CIT: variants seen among roughly 807,000 people sequenced by gnomAD.
CIT encodes the protein citron Rho-interacting kinase.
In CIT, 79 loss-of-function variants were observed where a neutral mutation model predicts 272.7. The ratio of observed to expected loss-of-function variants is 0.29; its 90% CI spans 0.24 to 0.35. CIT has a LOEUF of 0.35. Among genes scored for constraint, CIT ranks in the 10% least tolerant of loss-of-function variants. The probability of loss-of-function intolerance (pLI) is 1.00; values close to 1 mark genes in which losing one functional copy is unlikely to be tolerated. For missense variants in CIT, 1,909 were observed against 2,618.3 expected, an observed-to-expected ratio of 0.73 and a Z score of 5.91; for synonymous variants, 948 against 995.6, an observed-to-expected ratio of 0.95 and a Z score of 0.90.
At chr12:119,741,502 T>C (rs1291782869) in intron 24 of CIT, among the ~76,000 whole-genome samples, 1 of 152,242 alleles carries the variant, frequency 6.6e-6, no homozygotes, top group Non-Finnish European at 1.5e-5. Context: ...CTAGATACAT[T>C]TTATATCTAA....
chr12:119,797,404 TAAGAG>T (rs1366797243), intron 10 of CIT, among the ~76,000 whole-genome samples: 1 of 152,174 alleles, frequency 6.6e-6, no homozygotes, highest in Non-Finnish European at 1.5e-5. Context: ...TGTGCTTGGC[TAAGAG>T]AAGGAAGAAA....
rs542084283 is a variant in CIT, at chr12:119,849,208, T to C, written c.516+966A>G. ...TTGGGAGGCCGAGGCAGGTGGATCA[T>C]TTGAGGTCAGGAGTTTGCGGCCAGC... is the stretch of plus-strand genomic sequence containing the variant. On this transcript the variant is annotated intron_variant, in intron 5 of 47. Coordinates refer to ENST00000392521, the MANE Select transcript of CIT (RefSeq NM_001206999.2). 1.1e-4 allele frequency among the ~76,000 whole-genome samples: 17 copies of C among 152,172 alleles called. No individual in the cohort carries two copies. The South Asian group carries it at 1.7e-3, about 15-fold the overall frequency.
At chr12:119,860,430 G>A (rs1360196296) in intron 3 of CIT, among the ~76,000 whole-genome samples, 1 of 152,210 alleles carries the variant, frequency 6.6e-6, no homozygotes, top group Non-Finnish European at 1.5e-5. Context: ...TGACAATGCT[G>A]TAACAAGCCT....
chr12:119,773,051 A>C (rs1278207382), intron 16 of CIT, 141 bp from the exon 17 acceptor site: 5 of 783,708 alleles, frequency 6.4e-6, no homozygotes, highest in Non-Finnish European at 9.0e-6. Context: ...AGTGTCCTAA[A>C]TTTAAAAAGC....
chr12:119,859,845 C>T (rs748311039), intron 3 of CIT, among the ~76,000 whole-genome samples: 12 of 152,006 alleles, frequency 7.9e-5, no homozygotes, highest in Admixed American at 2.0e-4. Context: ...CTTGCTCTGT[C>T]GCCCAGGCTG....
intron 23 of CIT, among the ~76,000 whole-genome samples, chr12:119,744,853 A>T (rs1319508350): frequency 6.6e-6 from 1 of 152,170 alleles, no homozygotes; most frequent in Non-Finnish European, 1.5e-5. Flanking sequence ...AGAAGAAAAG[A>T]TTAGTGAACT....
At chr12:119,828,845 G>A (rs1223745300) in intron 7 of CIT, among the ~76,000 whole-genome samples, 1 of 152,144 alleles carries the variant, frequency 6.6e-6, no homozygotes, top group Non-Finnish European at 1.5e-5. Context: ...TGGGATTACA[G>A]GCATGTGCCA....
In CIT at chr12:119,784,701, T is replaced by C; in HGVS notation, c.1401+259A>G. The C allele has an allele frequency of 7.5e-7, 1 of 1,329,888 alleles. No homozygotes were observed. Among genetic ancestry groups the C allele is most frequent in the Non-Finnish European group, 9.6e-7 (1 of 1,040,826 alleles). 82.4% of individuals were successfully genotyped at this position (1,329,888 alleles called of 1,614,324 possible). A position where few individuals can be genotyped will look rare whatever the true frequency, so the allele number is the denominator to read the frequency against. ...CCACCTGCCGGAAGAAGCAGACATC[T>C]GGCTGGGTCATGCTGAGAAACGGAC... On this transcript the variant is annotated intron_variant, in intron 11 of 47. Transcript: ENST00000392521. This position sits in a 1 kb window ranked among gnomAD's most constrained non-coding sequence, Gnocchi z 4.7.
At chr12:119,757,264 C>T (rs1961115213) in intron 22 of CIT, 107 bp downstream of exon 22, 2 of 1,416,798 alleles carry the variant, frequency 1.4e-6, no homozygotes, top group Admixed American at 3.9e-5. Context: ...CCTTAACCAC[C>T]AAGCACAATG....
chr12:119,861,520 G>A (rs1263965557), intron 3 of CIT, among the ~76,000 whole-genome samples: 2 of 152,008 alleles, frequency 1.3e-5, no homozygotes, highest in African/African-American at 2.4e-5. Flanking sequence ...CTGGGAGGCA[G>A]AGGTTGCAGT....
intron 4 of CIT, among the ~76,000 whole-genome samples, chr12:119,853,485 C>T (rs749610613): frequency 1.3e-5 from 2 of 152,026 alleles, no homozygotes; most frequent in Non-Finnish European, 2.9e-5. Flanking sequence ...CACCATGTTA[C>T]CTAGGCTGGC....
Position 119,770,487 on chromosome 12 carries a change from C to T in CIT, c.2208+298G>A, listed in dbSNP as rs192875018. On this transcript the variant is annotated intron_variant, in intron 18 of 47. Coordinates refer to ENST00000392521, the MANE Select transcript of CIT (RefSeq NM_001206999.2). This position sits in a 1 kb window ranked among gnomAD's most constrained non-coding sequence, Gnocchi z 4.4. ...CTCTGCTGATAGAAGTATGTCAACA[C>T]GCCTTTAAAAATGTATTGAAAATGA... Among the ~76,000 whole-genome samples the T allele has an allele frequency of 2.0e-5, 3 of 148,430 alleles. No individual in the cohort carries two copies. Among genetic ancestry groups the T allele is most frequent in the East Asian group, 3.9e-4 (2 of 5,072 alleles).
intron 5 of CIT, among the ~76,000 whole-genome samples, chr12:119,836,488 G>A (rs374783973): frequency 6.6e-6 from 1 of 152,030 alleles, no homozygotes; most frequent in East Asian, 1.9e-4. Context: ...TAGGCCCTGG[G>A]TATGTGGGTG....
At position 119,687,885 on chromosome 12, in the gene CIT, C is replaced by A; in HGVS notation, c.*347G>T. 2 of 240,876 alleles carry A rather than the reference C, an allele frequency of 8.3e-6. No individual in the cohort carries two copies. Among genetic ancestry groups the A allele is most frequent in the Non-Finnish European group, 7.9e-6 (1 of 126,552 alleles). The allele number at this position is 240,876 out of a possible 1,614,324, so 14.9% of individuals were successfully genotyped here. ...GATCTTAAAGTAGCTAATTAGGATT[C>A]TAACCATGTTGTAGTTAGCATCCCG... On this transcript the variant is annotated 3_prime_UTR_variant, in exon 48 of 48. Transcript: ENST00000392521.
At chr12:119,698,589 CAA>C (rs3858709) in intron 44 of CIT, among the ~76,000 whole-genome samples, 38,820 of 133,270 alleles carry the variant, frequency 0.29, 5,161 homozygotes, top group Middle Eastern at 0.36. Flanking sequence ...GACTCTGTCT[CAA>C]AAAAAAAAAA....
chr12:119,727,757 C>T (rs1441220624), intron 28 of CIT, among the ~76,000 whole-genome samples: 1 of 151,882 alleles, frequency 6.6e-6, no homozygotes, highest in Admixed American at 6.6e-5. Flanking sequence ...GGGGAAACCC[C>T]ATCTCTACAA....
intron 5 of CIT, among the ~76,000 whole-genome samples, chr12:119,838,416 C>T (rs981185277): frequency 6.6e-6 from 1 of 152,120 alleles, no homozygotes; most frequent in Admixed American, 6.5e-5. Context: ...TAACATAAAG[C>T]ATATCTCTTT....
intron 5 of CIT, among the ~76,000 whole-genome samples, chr12:119,843,610 G>A (rs1969560018): frequency 6.6e-6 from 1 of 152,062 alleles, no homozygotes; most frequent in East Asian, 1.9e-4. Context: ...AGGAGTTCGA[G>A]AACAGCCTGG....
chr12:119,832,933 C>G, intron 6 of CIT, 69 bp from the exon 7 acceptor site: 4 of 1,105,378 alleles, frequency 3.6e-6, no homozygotes, highest in Non-Finnish European at 5.5e-6. Context: ...AACCTAGAAT[C>G]TCAATTGAGC....
Sources: gnomAD v4.1 joint callset for allele counts (sites outside exome capture counted in the v4.1 genomes callset) on GRCh38, gnomAD v4.1.1 for gene constraint, Gnocchi (gnomAD v3.1) non-coding constraint, MANE v1.5 for transcripts, NCBI Gene and HGNC (gene_info 2026-07-23, HGNC 2026-07-21) for gene names.